LRP1B: variants seen among roughly 807,000 people sequenced by gnomAD.
LRP1B encodes low-density lipoprotein receptor-related protein 1B.
LRP1B carries 217 observed loss-of-function variants against 556.6 expected under a neutral mutation model. That is an observed-to-expected ratio of 0.39 (90% CI 0.35 to 0.44). The LOEUF is 0.44. Among genes scored for constraint, LRP1B ranks in the 20% least tolerant of loss-of-function variants. LRP1B has a pLI of 1.00. For synonymous variants in LRP1B, 2,047 were observed against 1,865.8 expected, an observed-to-expected ratio of 1.10 and a Z score of -2.50; for missense variants, 5,053 against 5,620.8, an observed-to-expected ratio of 0.90 and a Z score of 3.23.
chr2:140,914,869 GAA>G (rs1694528963), intron 21 of LRP1B, among the ~76,000 whole-genome samples: 1 of 151,982 alleles, frequency 6.6e-6, no homozygotes, highest in Non-Finnish European at 1.5e-5. Context: ...TACTAGTAGT[GAA>G]AAGTGTCATT....
intron 78 of LRP1B, 63 bp from the exon 79 acceptor site, chr2:140,334,622 C>T (rs548260902): frequency 7.9e-6 from 7 of 882,168 alleles, no homozygotes; most frequent in East Asian, 2.8e-5. Flanking sequence ...GACTCTGCTC[C>T]GCAAAGCAGT....
chr2:140,693,975 C>T (rs191842673), intron 41 of LRP1B, among the ~76,000 whole-genome samples: 4 of 152,206 alleles, frequency 2.6e-5, no homozygotes, highest in African/African-American at 9.6e-5. Flanking sequence ...CCCAGAGTGC[C>T]GGGATTACAG....
At chr2:141,867,933 T>C (rs4662270) in intron 1 of LRP1B, among the ~76,000 whole-genome samples, 46,327 of 152,058 alleles carry the variant, frequency 0.3, 8,185 homozygotes, top group Middle Eastern at 0.45. Context: ...TGGACATCCT[T>C]GGGCTTGCTT....
At chr2:141,960,058 A>G (rs1250960522) in intron 1 of LRP1B, among the ~76,000 whole-genome samples, 1 of 151,946 alleles carries the variant, frequency 6.6e-6, no homozygotes, top group Non-Finnish European at 1.5e-5. Context: ...ACAAAAGTTG[A>G]AACGTGACAA....
chr2:141,924,390 C>T lies in LRP1B; in HGVS notation c.83-113989G>A, dbSNP rs1700279678. ...CTGCTGAGAGCCACCTCCACCATTC[C>T]ATAAAACCTCACATTGATCCTTCAA... On this transcript the variant is annotated intron_variant, in intron 1 of 90. Transcript: ENST00000389484. Among the ~76,000 whole-genome samples, 2 of 152,098 alleles carry T rather than the reference C, an allele frequency of 1.3e-5. 1 individual carries two copies. The highest frequency in any genetic ancestry group is 4.1e-4 in the South Asian group (2 of 4,830).
chr2:141,756,544 T>TACACACACACACACAC (rs35271250), intron 2 of LRP1B, among the ~76,000 whole-genome samples: 1 of 143,358 alleles, frequency 7.0e-6, no homozygotes, highest in African/African-American at 2.8e-5. Context: ...TCTCTCAAAT[T>TACACACACACACACAC]ACACACACAC....
rs746345552 is a variant in LRP1B at position 140,534,087 on chromosome 2, G to A, written c.7696C>T (p.Pro2566Ser). 2.8e-5 allele frequency: 45 copies of A among 1,613,174 alleles called. No individual in the cohort carries two copies. Among genetic ancestry groups the A allele is most frequent in the African/African-American group, 4.0e-5 (3 of 74,864 alleles). ...FKPCYNRRCI[P>S]HGKLCDGEND... ...TCTCCATCACATAACTTGCCATGAGGAATGCAGCGGCGATTATAGCATGGC... is the reference window on the plus strand; with the variant it reads ...TCTCCATCACATAACTTGCCATGAGAAATGCAGCGGCGATTATAGCATGGC... Residue 2566 changes from proline to serine, a missense_variant, in exon 47 of 91, where the codon CCT becomes TCT. Pro to Ser is a moderately conservative substitution (Grantham distance 74). This residue lies in a region of LRP1B where 3,619 missense variants were observed against 3,931.9 expected (regional missense o/e 0.92). Transcript: ENST00000389484.
chr2:141,189,987 A>T (rs1431680250), intron 6 of LRP1B, among the ~76,000 whole-genome samples: 1 of 151,832 alleles, frequency 6.6e-6, no homozygotes, highest in Non-Finnish European at 1.5e-5. Context: ...TCTGTAATAA[A>T]CCCACTACCT....
At chr2:140,426,303 G>A (rs1026507100) in intron 66 of LRP1B, among the ~76,000 whole-genome samples, 2 of 152,228 alleles carry the variant, frequency 1.3e-5, no homozygotes, top group African/African-American at 4.8e-5. Flanking sequence ...AATGGACATG[G>A]TGAATTCTGA....
At chr2:140,695,818 T>C (rs1686411262) in intron 41 of LRP1B, among the ~76,000 whole-genome samples, 1 of 152,182 alleles carries the variant, frequency 6.6e-6, no homozygotes. Context: ...TATTCGCTCA[T>C]ACCTAATAAT....
intron 1 of LRP1B, among the ~76,000 whole-genome samples, chr2:142,109,069 G>T (rs1706867765): frequency 6.6e-6 from 1 of 152,130 alleles, no homozygotes; most frequent in Non-Finnish European, 1.5e-5. Flanking sequence ...GCTTATCCAA[G>T]AACTTTTCTA....
At chr2:140,290,244 G>A (rs1021795922) in intron 84 of LRP1B, among the ~76,000 whole-genome samples, 2 of 152,032 alleles carry the variant, frequency 1.3e-5, no homozygotes, top group African/African-American at 4.8e-5. Context: ...GGATTAAAGA[G>A]GTTTAGCAGA....
chr2:141,926,755 C>A (rs866256105), intron 1 of LRP1B, among the ~76,000 whole-genome samples: 1 of 152,026 alleles, frequency 6.6e-6, no homozygotes, highest in African/African-American at 2.4e-5. Context: ...AGATAATATT[C>A]CTTAATTTCA....
At chr2:140,349,032 G>A (rs920443264) in intron 77 of LRP1B, among the ~76,000 whole-genome samples, 2 of 151,942 alleles carry the variant, frequency 1.3e-5, no homozygotes, top group African/African-American at 4.8e-5. Context: ...TTCACAATAG[G>A]GTTTGCGCTC....
chr2:140,763,050 A>G (rs1179495334), intron 35 of LRP1B, among the ~76,000 whole-genome samples: 1 of 152,138 alleles, frequency 6.6e-6, no homozygotes, highest in African/African-American at 2.4e-5. Context: ...TCTAAGTATC[A>G]GAGTATGGAG....
chr2:140,807,373 C>A (rs925331437), intron 32 of LRP1B, among the ~76,000 whole-genome samples: 5 of 152,144 alleles, frequency 3.3e-5, no homozygotes, highest in African/African-American at 1.2e-4. Flanking sequence ...CAGAGTCTCA[C>A]TCTATCACCC....
intron 20 of LRP1B, among the ~76,000 whole-genome samples, chr2:140,926,055 TC>T (rs869198655): frequency 2.0e-5 from 1 of 51,184 alleles, no homozygotes. Context: ...CTGGAGATTT[TC>T]TTTTTTTTTT....
At chr2:140,952,840 G>C (rs1042605174) in intron 18 of LRP1B, among the ~76,000 whole-genome samples, 1 of 152,234 alleles carries the variant, frequency 6.6e-6, no homozygotes, top group Non-Finnish European at 1.5e-5. Flanking sequence ...TATGTCCCAG[G>C]AGAAAGTTTT....
chr2:141,976,231 T>G (rs2105085628), intron 1 of LRP1B, among the ~76,000 whole-genome samples: 1 of 152,254 alleles, frequency 6.6e-6, no homozygotes, highest in Admixed American at 6.5e-5. Flanking sequence ...CTTTATCATC[T>G]GAGACACCTT....
Sources: allele counts gnomAD v4.1 joint callset (sites outside exome capture counted in the v4.1 genomes callset), GRCh38; gene constraint gnomAD v4.1.1; regional missense constraint gnomAD v4.1.1; transcripts MANE v1.5; gene names NCBI Gene and HGNC (gene_info 2026-07-23, HGNC 2026-07-21).